The following TTC7B variants were observed in gnomAD, a reference collection of about 807,000 sequenced individuals.
TTC7B encodes the protein tetratricopeptide repeat protein 7B.
TTC7B carries 28 observed loss-of-function variants against 106.8 expected under a neutral mutation model. The observed-to-expected ratio is 0.26, with a 90% CI of 0.19 to 0.36. TTC7B has a LOEUF of 0.36. Among genes scored for constraint, TTC7B ranks in the 10% least tolerant of loss-of-function variants. The pLI is 1.00. For missense variants in TTC7B, 862 were observed against 1,076.4 expected, an observed-to-expected ratio of 0.80 and a Z score of 2.79; for synonymous variants, 405 against 430.6, an observed-to-expected ratio of 0.94 and a Z score of 0.74.
chr14:90,717,297 C>T (rs563084876), intron 5 of TTC7B, among the ~76,000 whole-genome samples: 2 of 151,780 alleles, frequency 1.3e-5, no homozygotes, highest in South Asian at 2.1e-4. Context: ...TGAGATCGCA[C>T]CCCTGCACCC....
At chr14:90,775,990 ATTATG>A (rs1891014544) in intron 3 of TTC7B, among the ~76,000 whole-genome samples, 1 of 152,098 alleles carries the variant, frequency 6.6e-6, no homozygotes, top group Non-Finnish European at 1.5e-5. Flanking sequence ...TCTTTTATTA[ATTATG>A]TTTCTGTTTA....
intron 8 of TTC7B, among the ~76,000 whole-genome samples, chr14:90,679,440 AG>A (rs1327795374): frequency 6.6e-6 from 1 of 152,166 alleles, no homozygotes; most frequent in African/African-American, 2.4e-5. Context: ...GAGGGCAAAA[AG>A]GGAAATGCCT....
At chr14:90,711,107 T>C (rs1888427599) in intron 5 of TTC7B, among the ~76,000 whole-genome samples, 1 of 152,190 alleles carries the variant, frequency 6.6e-6, no homozygotes, top group Admixed American at 6.5e-5. Flanking sequence ...AGGGAAGCCT[T>C]CAGATGACAA....
chr14:90,636,828 G>T (rs1437162864), intron 15 of TTC7B, among the ~76,000 whole-genome samples: 1 of 151,704 alleles, frequency 6.6e-6, no homozygotes, highest in Non-Finnish European at 1.5e-5. Flanking sequence ...AAAATATTTA[G>T]AATTATACAA....
chr14:90,731,266 T>C (rs1347346701), intron 4 of TTC7B, among the ~76,000 whole-genome samples: 1 of 152,166 alleles, frequency 6.6e-6, no homozygotes, highest in Non-Finnish European at 1.5e-5. Context: ...CTACTCTCTT[T>C]AAACTCACAA....
rs1490549497 is a variant in TTC7B at position 90,608,448 on chromosome 14, TGAAAC to T, written c.1966+2289_1966+2293del. ...AGGACTCGCGTGGATGACTCAACAA[TGAAAC>T]CGTCTGTGGCAGTGCCTGGGAGGCT... On this transcript the variant is annotated intron_variant, in intron 17 of 19. Transcript: ENST00000328459. This position sits in a 1 kb window ranked among gnomAD's most constrained non-coding sequence, Gnocchi z 5.1. Among the ~76,000 whole-genome samples, 6 of 152,106 alleles carry T rather than the reference TGAAAC, an allele frequency of 3.9e-5. No individual in the cohort carries two copies. Among genetic ancestry groups the T allele is most frequent in the Non-Finnish European group, 2.9e-5 (2 of 68,026 alleles).
chr14:90,619,147 C>T (rs1893207491), intron 15 of TTC7B, among the ~76,000 whole-genome samples: 1 of 152,200 alleles, frequency 6.6e-6, no homozygotes, highest in Non-Finnish European at 1.5e-5. Context: ...CGTGATCCTC[C>T]CAAAGTGCTG....
At chr14:90,588,886 TAAA>T (rs572763059) in intron 18 of TTC7B, among the ~76,000 whole-genome samples, 8 of 81,730 alleles carry the variant, frequency 9.8e-5, no homozygotes, top group African/African-American at 1.9e-4. Flanking sequence ...AAACAAAAAC[TAAA>T]AAAAAAAAAA....
At chr14:90,813,672 CTTT>C (rs374826647) in intron 1 of TTC7B, among the ~76,000 whole-genome samples, 1 of 140,812 alleles carries the variant, frequency 7.1e-6, no homozygotes, top group Non-Finnish European at 1.5e-5. Flanking sequence ...ACACTGTATT[CTTT>C]TTTTTTTTTT....
chr14:90,684,427 C>T (rs1179212098), intron 7 of TTC7B, among the ~76,000 whole-genome samples: 2 of 151,994 alleles, frequency 1.3e-5, no homozygotes, highest in Admixed American at 6.6e-5. Context: ...GAAACACGTA[C>T]AAGACTCTTC....
Position 90,657,088 on chromosome 14 carries a change from T to C in TTC7B, c.1341+86A>G. 8.5e-7 allele frequency: 1 copy of C among 1,174,834 alleles called. No homozygotes were observed. The highest frequency in any genetic ancestry group is 1.2e-6 in the Non-Finnish European group (1 of 809,306). 72.8% of individuals were successfully genotyped at this position (1,174,834 alleles called of 1,614,324 possible). A position where few individuals can be genotyped will look rare whatever the true frequency, so the allele number is the denominator to read the frequency against. On this transcript the variant is annotated intron_variant, in intron 11 of 19. Transcript: ENST00000328459. This position sits in a 1 kb window ranked among gnomAD's most constrained non-coding sequence, Gnocchi z 4.2. ...GTACAGCTGATGAATCACCCTCGCT[T>C]TCTCTCTGTGCCTCGACATGAAAAA...
intron 9 of TTC7B, chr14:90,676,262 T>G: frequency 2.9e-6 from 1 of 342,806 alleles, no homozygotes; most frequent in South Asian, 9.3e-5. Context: ...TTGAGAAATG[T>G]TTGCCTTCCC....
At chr14:90,556,058 G>A (rs761411186) in intron 19 of TTC7B, among the ~76,000 whole-genome samples, 1 of 152,242 alleles carries the variant, frequency 6.6e-6, no homozygotes, top group Non-Finnish European at 1.5e-5. Context: ...CACCTCCGGC[G>A]CGCCGCGTGG....
At chr14:90,697,067 C>A (rs992069357) in intron 5 of TTC7B, among the ~76,000 whole-genome samples, 11 of 152,180 alleles carry the variant, frequency 7.2e-5, no homozygotes, top group African/African-American at 1.2e-4. Flanking sequence ...ACGGATTAAA[C>A]TCCTACTGGG....
intron 5 of TTC7B, among the ~76,000 whole-genome samples, chr14:90,713,826 T>C (rs531978237): frequency 6.7e-4 from 102 of 152,330 alleles, no homozygotes; most frequent in African/African-American, 2.4e-3. Context: ...AAAAATGTAG[T>C]ATATCCATAC....
chr14:90,531,745 G>A lies in TTC7B; in HGVS notation c.*9623C>T, dbSNP rs2139750411. ...AAAGGACAAGCTGGCTCAAGATTTT[G>A]AAAGCAATGAAGTGAAATTTGAAGT... On this transcript the variant is annotated 3_prime_UTR_variant, in exon 20 of 20. Transcript: ENST00000328459. 1 of 151,772 alleles carries A rather than the reference G, an allele frequency of 6.6e-6. No individual in the cohort carries two copies. The highest frequency in any genetic ancestry group is 2.1e-4 in the South Asian group (1 of 4,770). The allele number at this position is 151,772 out of a possible 1,614,324, so 9.4% of individuals were successfully genotyped here. A position where few individuals can be genotyped will look rare whatever the true frequency, so the allele number is the denominator to read the frequency against.
Position 90,663,143 on chromosome 14 carries a change from A to G in TTC7B, c.1153-4756T>C, listed in dbSNP as rs776334153. On this transcript the variant is annotated intron_variant, in intron 9 of 19. Transcript: ENST00000328459. The surrounding 1 kb of genome is among the most constrained non-coding windows in gnomAD (Gnocchi z 4.5). ...CATCGGGTGACCCTAAGGACCCTGC[A>G]AAGTACAAGGCAGGTAGGCCCCTTT... Among the ~76,000 whole-genome samples the G allele has an allele frequency of 4.2e-4, 64 of 152,322 alleles. 1 individual carries two copies. The highest frequency in any genetic ancestry group is 1.2e-3 in the South Asian group (6 of 4,822).
In TTC7B at chr14:90,526,541, T is replaced by C. The variant is rs946419449; in HGVS notation, c.*14827A>G. ...AGATGTCAGCAGCTTATAATACGAA[T>C]GTGCCTGATATGGTTTGGCTGTGTC... On this transcript the variant is annotated 3_prime_UTR_variant, in exon 20 of 20. Coordinates refer to ENST00000328459, the MANE Select transcript of TTC7B (RefSeq NM_001010854.2). 5.9e-5 allele frequency: 9 copies of C among 152,210 alleles called. No individual in the cohort carries two copies. The highest frequency in any genetic ancestry group is 1.9e-4 in the African/African-American group (8 of 41,450). 9.4% of individuals were successfully genotyped at this position (152,210 alleles called of 1,614,324 possible). A position where few individuals can be genotyped will look rare whatever the true frequency, so the allele number is the denominator to read the frequency against.
intron 18 of TTC7B, among the ~76,000 whole-genome samples, chr14:90,589,293 A>G (rs1282420159): frequency 2.0e-5 from 3 of 152,200 alleles, no homozygotes; most frequent in Non-Finnish European, 2.9e-5. Flanking sequence ...ATCCATGGGG[A>G]ATTGGTTCTG....
Sources: allele counts gnomAD v4.1 joint callset (sites outside exome capture counted in the v4.1 genomes callset), GRCh38; gene constraint gnomAD v4.1.1; non-coding constraint Gnocchi (gnomAD v3.1); transcripts MANE v1.5; gene names NCBI Gene and HGNC (gene_info 2026-07-23, HGNC 2026-07-21).